HSF1: variants seen among roughly 807,000 people sequenced by gnomAD.
HSF1 encodes heat shock transcription factor 1.
HSF1 carries 32 observed loss-of-function variants against 51.7 expected under a neutral mutation model. That is an observed-to-expected ratio of 0.62 (90% CI 0.47 to 0.83). HSF1 has a LOEUF of 0.83. Ranked by LOEUF, HSF1 falls within the 40% of genes least tolerant of loss-of-function variation. The pLI, the probability that HSF1 is intolerant of heterozygous loss-of-function variation, is 0.00. For synonymous variants in HSF1, 396 were observed against 309.7 expected, an observed-to-expected ratio of 1.28 and a Z score of -2.92; for missense variants, 727 against 717.0, an observed-to-expected ratio of 1.01 and a Z score of -0.16.
chr8:144,300,434 G>C (rs782636317), intron 1 of HSF1, among the ~76,000 whole-genome samples: 1 of 151,902 alleles, frequency 6.6e-6, no homozygotes, highest in Non-Finnish European at 1.5e-5. Context: ...AGCCAGGATG[G>C]TCTCAATCTC....
At chr8:144,299,504 T>C (rs1243969347) in intron 1 of HSF1, among the ~76,000 whole-genome samples, 2 of 149,656 alleles carry the variant, frequency 1.3e-5, no homozygotes, top group African/African-American at 4.9e-5. Flanking sequence ...AGCAGAAAAA[T>C]GGACTTGTCA....
chr8:144,308,945 G>T lies in HSF1; in HGVS notation c.157G>T (p.Ala53Ser), dbSNP rs782641100. Residue 53 changes from alanine to serine, a missense_variant, in exon 2 of 13, where the codon GCC becomes TCC. By Grantham distance (99) the Ala-to-Ser change is moderately conservative (BLOSUM62 1). Around this residue, in one of 2 missense-constraint regions of HSF1, gnomAD observed 257 missense variants for 318.3 expected, o/e 0.81. Coordinates refer to ENST00000528838, the MANE Select transcript of HSF1 (RefSeq NM_005526.4). The part of the protein sequence containing the change: ...SFHVFDQGQF[A>S]KEVLPKYFKH... The stretch of plus-strand genomic sequence containing the variant: ...CCACGTGTTCGACCAGGGCCAGTTT[G>T]CCAAGGAGGTGCTGCCCAAGTACTT... 13 of 1,614,074 alleles carry T rather than the reference G, an allele frequency of 8.1e-6. No individual in the cohort carries two copies. The South Asian group carries it at 1.3e-4, about 16-fold the overall frequency.
Position 144,314,180 on chromosome 8 carries a change from C to G in HSF1, c.1440C>G (p.Ser480=). ...CGCTGTTCCTGCTGGACCCCGGCTC[C>G]GTGGACACCGGGAGCAACGACCTGC... ...AQPLFLLDPG[S]VDTGSNDLPV... Residue 480 remains serine (S), a synonymous_variant, in exon 13 of 13, where the codon TCC becomes TCG. Transcript: ENST00000528838. 9.0e-6 allele frequency: 14 copies of G among 1,549,668 alleles called. No homozygotes were observed. Among genetic ancestry groups the G allele is most frequent in the Non-Finnish European group, 1.2e-5 (14 of 1,146,764 alleles).
intron 1 of HSF1, among the ~76,000 whole-genome samples, chr8:144,302,480 C>A (rs1243567998): frequency 6.6e-6 from 1 of 151,398 alleles, no homozygotes; most frequent in African/African-American, 2.4e-5. Flanking sequence ...GCACTCTAGC[C>A]TGGGCAGTGG....
Position 144,312,349 on chromosome 8 carries a change from G to A in HSF1, c.1142+105G>A. On this transcript the variant is annotated intron_variant, in intron 9 of 12. Transcript: ENST00000528838. Reference sequence around the variant, plus strand: ...ACTGAGCAGGGCAGCTGGCGAGGCAGGACCCTACCCCCAACCTCGGAGCTC... The same window carrying A: ...ACTGAGCAGGGCAGCTGGCGAGGCAAGACCCTACCCCCAACCTCGGAGCTC... The A allele has an allele frequency of 2.2e-6, 2 of 911,900 alleles. 1 individual carries two copies. The highest frequency in any genetic ancestry group is 3.2e-5 in the South Asian group (2 of 61,616). 56.5% of individuals were successfully genotyped at this position (911,900 alleles called of 1,614,324 possible).
At chr8:144,310,984 G>A (rs1277069175) in intron 4 of HSF1, 190 bp from the exon 5 acceptor site, 8 of 610,656 alleles carry the variant, frequency 1.3e-5, no homozygotes, top group South Asian at 3.9e-5. Flanking sequence ...GGGAGGGGCA[G>A]TGGGACCAGC....
At position 144,314,327 on chromosome 8, in the gene HSF1, C is replaced by T. The variant is rs1393213568; in HGVS notation, c.1587C>T (p.Ser529=). The T allele has an allele frequency of 9.7e-6, 15 of 1,548,010 alleles. No homozygotes were observed. The African/African-American group carries it at 1.5e-4, about 16-fold the overall frequency. ...EPPKAKDPTV[S] is the part of the protein sequence containing the mutation. ...CCAAAGCCAAGGACCCCACTGTCTC[C>T]TAGAGGCCCCGGAGGAGCTGGGCCA... Residue 529 remains serine, a synonymous_variant, in exon 13 of 13, where the codon TCC becomes TCT. Transcript: ENST00000528838.
chr8:144,314,031 C>A lies in HSF1; in HGVS notation c.1361C>A (p.Ala454Glu), dbSNP rs782599614. The A allele has an allele frequency of 6.2e-7, 1 of 1,609,136 alleles. No individual in the cohort carries two copies. Among genetic ancestry groups the A allele is most frequent in the South Asian group, 1.1e-5 (1 of 90,826 alleles). ...SPQEPPRPPE[A>E]ENSSPDSGKQ... is the part of the protein sequence containing the mutation. ...CAGGAGCCCCCCAGGCCTCCCGAGG[C>A]AGAGAACAGCAGCCCGGATTCAGGT... Residue 454 changes from alanine (A) to glutamate (E), a missense_variant, in exon 12 of 13, where the codon GCA (alanine) becomes GAA (glutamate). Physicochemically the swap from Ala to Glu is moderately radical, Grantham distance 107. This residue lies in a region of HSF1 where 470 missense variants were observed against 398.8 expected (regional missense o/e 1.18). Coordinates refer to ENST00000528838, the MANE Select transcript of HSF1 (RefSeq NM_005526.4).
chr8:144,313,490 T>C, intron 9 of HSF1, 21 bp from the exon 10 acceptor site: 1 of 1,535,932 alleles, frequency 6.5e-7, no homozygotes, highest in South Asian at 1.1e-5. Context: ...CTGGTTCAGG[T>C]ACCGCCTTAT....
chr8:144,296,889 T>C (rs1475964231), intron 1 of HSF1, among the ~76,000 whole-genome samples: 2 of 150,594 alleles, frequency 1.3e-5, no homozygotes, highest in Non-Finnish European at 3.0e-5. Flanking sequence ...GGCTCTGTGC[T>C]GTAGCCTCCT....
At chr8:144,311,675 A>G in intron 7 of HSF1, 25 bp from the exon 8 acceptor site, 7 of 1,610,390 alleles carry the variant, frequency 4.3e-6, no homozygotes, top group Non-Finnish European at 4.2e-6. Context: ...CCGGCACTGC[A>G]TGGACCTCCT....
intron 1 of HSF1, among the ~76,000 whole-genome samples, chr8:144,302,398 T>C (rs182183474): frequency 3.3e-5 from 5 of 151,334 alleles, no homozygotes; most frequent in African/African-American, 9.7e-5. Flanking sequence ...TCCCAGCTAC[T>C]CAGGAGGCTG....
rs781984493 is a variant in HSF1 at position 144,314,156 on chromosome 8, G to A, written c.1416G>A (p.Pro472=). 30 of 1,323,076 alleles carry A rather than the reference G, an allele frequency of 2.3e-5. No homozygotes were observed. In the East Asian group the frequency reaches 9.8e-4, roughly 43 times the overall value. 82.0% of individuals were successfully genotyped at this position (1,323,076 alleles called of 1,614,324 possible). Residue 472 remains proline, a synonymous_variant, in exon 13 of 13, where the codon CCG becomes CCA. Transcript: ENST00000528838. ...AGCTGGTGCACTACACAGCGCAGCC[G>A]CTGTTCCTGCTGGACCCCGGCTCCG... ...GKQLVHYTAQ[P]LFLLDPGSVD... is the part of the protein sequence containing the mutation.
chr8:144,312,613 T>A lies in HSF1; in HGVS notation c.1142+369T>A, dbSNP rs1281540732. On this transcript the variant is annotated intron_variant, in intron 9 of 12. Coordinates refer to ENST00000528838, the MANE Select transcript of HSF1 (RefSeq NM_005526.4). ...CCCTGCCTGCAATGGGGGCTCTTGT[T>A]TTTGTATCTTGCAGTTTGGCTCGCA... The A allele has an allele frequency of 2.6e-6, 4 of 1,534,392 alleles. No individual in the cohort carries two copies. In the African/African-American group the frequency reaches 5.5e-5, roughly 21 times the overall value.
chr8:144,312,941 G>C, intron 9 of HSF1: 1 of 581,676 alleles, frequency 1.7e-6, no homozygotes, highest in South Asian at 2.0e-5. Context: ...GCTCTGGCAC[G>C]GCCTCTGGTG....
chr8:144,312,589 C>T (rs1816754857), intron 9 of HSF1: 1 of 1,510,236 alleles, frequency 6.6e-7, no homozygotes, highest in Non-Finnish European at 8.9e-7. Context: ...ACCCCCAGCC[C>T]CTGCCTGCAA....
At chr8:144,310,982 C>T in intron 4 of HSF1, 192 bp from the exon 5 acceptor site, 1 of 606,856 alleles carries the variant, frequency 1.6e-6, no homozygotes. Context: ...CAGGGAGGGG[C>T]AGTGGGACCA....
chr8:144,300,613 A>G (rs1263815879), intron 1 of HSF1, among the ~76,000 whole-genome samples: 1 of 152,238 alleles, frequency 6.6e-6, no homozygotes, highest in Non-Finnish European at 1.5e-5. Flanking sequence ...AACATCAAAC[A>G]AATCCAAATT....
Position 144,314,597 on chromosome 8 carries a change from G to A in HSF1, c.*267G>A, listed in dbSNP as rs1817102171. The A allele has an allele frequency of 3.7e-6, 2 of 533,342 alleles. No homozygotes were observed. Among genetic ancestry groups the A allele is most frequent in the Non-Finnish European group, 6.7e-6 (2 of 296,698 alleles). The allele number at this position is 533,342 out of a possible 1,614,324, so 33.0% of individuals were successfully genotyped here. A position where few individuals can be genotyped will look rare whatever the true frequency, so the allele number is the denominator to read the frequency against. On this transcript the variant is annotated 3_prime_UTR_variant, in exon 13 of 13. Coordinates refer to ENST00000528838, the MANE Select transcript of HSF1 (RefSeq NM_005526.4). ...TGACCCTGCAGGTTGTTCATAGTCA[G>A]AATTGTATTTTGGATTTTTACACAA...
Sources: gnomAD v4.1 joint callset for allele counts (sites outside exome capture counted in the v4.1 genomes callset) on GRCh38, gnomAD v4.1.1 for gene constraint, gnomAD v4.1.1 regional missense constraint, MANE v1.5 for transcripts, NCBI Gene and HGNC (gene_info 2026-07-23, HGNC 2026-07-21) for gene names.